The following RALY variants were observed in gnomAD, a reference collection of about 807,000 sequenced individuals.
The protein encoded by RALY is RNA-binding protein Raly.
In RALY, 15 loss-of-function variants were observed where a neutral mutation model predicts 30.7. The ratio of observed to expected loss-of-function variants is 0.49; its 90% CI spans 0.33 to 0.75. The LOEUF (loss-of-function observed/expected upper bound fraction) is 0.75. RALY is among the 30% of genes least tolerant of loss of function. The pLI is 0.02. For synonymous variants in RALY, 177 were observed against 170.8 expected (o/e 1.04, Z -0.28); for missense variants, 339 against 414.3 (o/e 0.82, Z 1.58).
chr20:33,997,661 T>A (rs2030704027), intron 1 of RALY, among the ~76,000 whole-genome samples: 1 of 152,222 alleles, frequency 6.6e-6, no homozygotes, highest in Admixed American at 6.5e-5. Flanking sequence ...TCTTGGAGGA[T>A]GTTTATGGAT....
intron 2 of RALY, among the ~76,000 whole-genome samples, chr20:34,034,929 G>T (rs1337610865): frequency 6.6e-6 from 1 of 152,042 alleles, no homozygotes; most frequent in Non-Finnish European, 1.5e-5. Flanking sequence ...GAGTCAGGTG[G>T]ATCACAAGGT....
intron 1 of RALY, among the ~76,000 whole-genome samples, chr20:33,996,318 T>C (rs780596470): frequency 6.6e-6 from 1 of 152,170 alleles, no homozygotes; most frequent in Non-Finnish European, 1.5e-5. Context: ...ATCTGTAAAC[T>C]CATAGGGTTG....
At chr20:34,065,128 C>T (rs2033532628) in intron 2 of RALY, 1 of 152,258 alleles carries the variant, frequency 6.6e-6, no homozygotes, top group Non-Finnish European at 1.5e-5. Flanking sequence ...ACAGTGCCAG[C>T]ACAGAGGAGG....
At position 33,993,919 on chromosome 20, in the gene RALY, G is replaced by C. The variant is rs1457419331; in HGVS notation, c.-305G>C. 3 of 151,798 alleles carry C rather than the reference G, an allele frequency of 2.0e-5. No individual in the cohort carries two copies. The highest frequency in any genetic ancestry group is 7.2e-5 in the African/African-American group (3 of 41,430). The allele number at this position is 151,798 out of a possible 1,614,324, so 9.4% of individuals were successfully genotyped here. On this transcript the variant is annotated 5_prime_UTR_variant, in exon 1 of 10. Transcript: ENST00000246194. ...GCGGGGCTCGCGCCGCTGTCAGTGCGGCGGGGCGCGCGAGCGGCGCCAGCT... is the reference window on the plus strand; with the variant it reads ...GCGGGGCTCGCGCCGCTGTCAGTGCCGCGGGGCGCGCGAGCGGCGCCAGCT...
chr20:34,039,979 C>T (rs564688711), intron 2 of RALY, among the ~76,000 whole-genome samples: 8 of 152,152 alleles, frequency 5.3e-5, no homozygotes, highest in East Asian at 3.9e-4. Context: ...GGCATGGTGG[C>T]GTGTGCCAGT....
Position 34,077,080 on chromosome 20 carries a change from TGGCAGC to T in RALY, c.714_719del (p.Ser239_Gly240del), listed in dbSNP as rs1167333370. ...GCGCCGGCGGCGGCGGCGGTGGTGG[TGGCAGC>T]GGTGGCGGTGGCAGTGGTGGTGGCG... On this transcript the variant is annotated inframe_deletion, in exon 8 of 10. Coordinates refer to ENST00000246194, the MANE Select transcript of RALY (RefSeq NM_016732.3). 4.4e-6 allele frequency: 7 copies of T among 1,604,884 alleles called. No homozygotes were observed. The highest frequency in any genetic ancestry group is 4.0e-5 in the African/African-American group (3 of 74,654).
intron 1 of RALY, among the ~76,000 whole-genome samples, chr20:33,997,972 GTGT>G (rs1355051526): frequency 6.6e-6 from 1 of 152,216 alleles, no homozygotes; most frequent in African/African-American, 2.4e-5. Flanking sequence ...TGAGGTCAGT[GTGT>G]TGAATTTATT....
chr20:34,077,523 A>AT, intron 8 of RALY: 1 of 587,424 alleles, frequency 1.7e-6, no homozygotes, highest in Non-Finnish European at 2.9e-6. Flanking sequence ...AGAATGGGAG[A>AT]TTCGGACATA....
chr20:34,004,027 GTCTA>G (rs896507744), intron 1 of RALY, among the ~76,000 whole-genome samples: 3 of 150,960 alleles, frequency 2.0e-5, no homozygotes, highest in African/African-American at 2.5e-5. Flanking sequence ...ACTTGGCATT[GTCTA>G]TCTTTTTCAT....
At chr20:34,054,603 A>G (rs1400161045) in intron 2 of RALY, among the ~76,000 whole-genome samples, 8 of 152,196 alleles carry the variant, frequency 5.3e-5, no homozygotes, top group Non-Finnish European at 8.8e-5. Context: ...AGGCAGGTGG[A>G]TCACTTGAGG....
At position 34,080,325 on chromosome 20, in the gene RALY, A is replaced by G. The variant is rs1285050051; in HGVS notation, c.*420A>G. The G allele has an allele frequency of 2.6e-5, 4 of 152,248 alleles. No homozygotes were observed. Among genetic ancestry groups the G allele is most frequent in the African/African-American group, 4.8e-5 (2 of 41,436 alleles). The allele number at this position is 152,248 out of a possible 1,614,324, so 9.4% of individuals were successfully genotyped here. A position where few individuals can be genotyped will look rare whatever the true frequency, so the allele number is the denominator to read the frequency against. On this transcript the variant is annotated 3_prime_UTR_variant, in exon 10 of 10. Coordinates refer to ENST00000246194, the MANE Select transcript of RALY (RefSeq NM_016732.3). ...GATATCCCGGCCCCTCTGCCAACCA[A>G]AAAGCTGGTCTAGGGTGCCTAATAC...
intron 2 of RALY, among the ~76,000 whole-genome samples, chr20:34,034,881 G>A (rs1047721674): frequency 5.3e-5 from 8 of 152,072 alleles, no homozygotes; most frequent in African/African-American, 1.2e-4. Flanking sequence ...GGCCGGGTGC[G>A]GTGGCTCACG....
intron 1 of RALY, among the ~76,000 whole-genome samples, chr20:34,014,604 G>A (rs2031536757): frequency 6.6e-6 from 1 of 151,722 alleles, no homozygotes; most frequent in South Asian, 2.1e-4. Flanking sequence ...ATCCCTCAGG[G>A]AAAAAAAATT....
At chr20:34,026,183 G>T (rs889332331) in intron 1 of RALY, among the ~76,000 whole-genome samples, 1 of 151,860 alleles carries the variant, frequency 6.6e-6, no homozygotes. Flanking sequence ...GAGGGTTGGA[G>T]CCCTGAGCAA....
rs769133888 is a variant in RALY, at chr20:34,077,062, C to T, written c.693C>T (p.Gly231=). Residue 231 remains glycine (G), a synonymous_variant, in exon 8 of 10, where the codon GGC becomes GGT. Transcript: ENST00000246194. ...GKKKGDGGGA[G]GGGGGGGSGG... ...AGAAGGGTGATGGAGGTGGCGCCGG[C>T]GGCGGCGGCGGTGGTGGTGGCAGCG... The T allele has an allele frequency of 3.4e-5, 53 of 1,568,676 alleles. No homozygotes were observed. The highest frequency in any genetic ancestry group is 3.4e-4 in the Middle Eastern group (2 of 5,940).
intron 2 of RALY, among the ~76,000 whole-genome samples, chr20:34,063,043 A>G (rs1422075981): frequency 6.6e-6 from 1 of 152,228 alleles, no homozygotes; most frequent in Non-Finnish European, 1.5e-5. Flanking sequence ...TTCTGGGCCA[A>G]GATTATGAGA....
In RALY at chr20:34,080,285, G is replaced by A. The variant is rs1476636963; in HGVS notation, c.*380G>A. On this transcript the variant is annotated 3_prime_UTR_variant, in exon 10 of 10. Coordinates refer to ENST00000246194, the MANE Select transcript of RALY (RefSeq NM_016732.3). ...AACCTGTTCTGAGATGGGATGGTTT[G>A]TGTTTTCTCATGAAGATATCCCGGC... is the stretch of plus-strand genomic sequence containing the variant. 5 of 152,322 alleles carry A rather than the reference G, an allele frequency of 3.3e-5. No homozygotes were observed. Among genetic ancestry groups the A allele is most frequent in the African/African-American group, 1.2e-4 (5 of 41,456 alleles). 9.4% of individuals were successfully genotyped at this position (152,322 alleles called of 1,614,324 possible).
At chr20:34,037,755 A>T (rs781651995) in intron 2 of RALY, among the ~76,000 whole-genome samples, 1 of 152,214 alleles carries the variant, frequency 6.6e-6, no homozygotes, top group Non-Finnish European at 1.5e-5. Context: ...GGGACCTGGG[A>T]TAGAGTCTGA....
At position 34,077,034 on chromosome 20, in the gene RALY, A is replaced by G. The variant is rs773755779; in HGVS notation, c.665A>G (p.Lys222Arg). 2.1e-5 allele frequency: 33 copies of G among 1,606,772 alleles called. No individual in the cohort carries two copies. The highest frequency in any genetic ancestry group is 2.5e-5 in the Non-Finnish European group (30 of 1,178,002). ...TCCACCCCTTCCCCTCAAGATGGCAAGAAGAAGGGTGATGGAGGTGGCGCC... is the reference window on the plus strand; with the variant it reads ...TCCACCCCTTCCCCTCAAGATGGCAGGAAGAAGGGTGATGGAGGTGGCGCC... ...AAEQKANPDGKKKGDGGGAGG... is the reference protein window; with the variant it reads ...AAEQKANPDGRKKGDGGGAGG... The change falls in exon 8 of 10, where the codon AAG (lysine) becomes AGG (arginine). Residue 222 changes from lysine to arginine, a missense_variant. Physicochemically the swap from Lys to Arg is conservative, Grantham distance 26. Coordinates refer to ENST00000246194, the MANE Select transcript of RALY (RefSeq NM_016732.3).
Sources: allele counts gnomAD v4.1 joint callset (sites outside exome capture counted in the v4.1 genomes callset), GRCh38; gene constraint gnomAD v4.1.1; transcripts MANE v1.5; gene names NCBI Gene and HGNC (gene_info 2026-07-23, HGNC 2026-07-21).